ZCCHC14: variants seen among roughly 807,000 people sequenced by gnomAD.
ZCCHC14 encodes zinc finger CCHC-type containing 14.
A neutral mutation model predicts 85.0 loss-of-function variants in ZCCHC14; 16 were observed. That is an observed-to-expected ratio of 0.19 (90% CI 0.13 to 0.29). The LOEUF (loss-of-function observed/expected upper bound fraction) is 0.29. ZCCHC14 is among the 10% of genes least tolerant of loss of function. ZCCHC14 has a pLI of 1.00. For synonymous variants in ZCCHC14, 775 were observed against 630.7 expected, an observed-to-expected ratio of 1.23 and a Z score of -3.43; for missense variants, 1,303 against 1,443.5, an observed-to-expected ratio of 0.90 and a Z score of 1.58.
chr16:87,413,819 TG>T (rs956162840), intron 10 of ZCCHC14, among the ~76,000 whole-genome samples: 1 of 133,386 alleles, frequency 7.5e-6, no homozygotes, highest in Non-Finnish European at 1.6e-5. Context: ...AGTCCTGGGG[TG>T]GGGGGTGGGC....
At chr16:87,415,434 G>C in intron 8 of ZCCHC14, 67 bp from the exon 9 acceptor site, 1 of 1,383,480 alleles carries the variant, frequency 7.2e-7, no homozygotes, top group Non-Finnish European at 1.0e-6. Flanking sequence ...CAAAGAACTT[G>C]GAGTTGAATT....
In ZCCHC14 at chr16:87,411,804, C is replaced by T. The variant is rs757374806; in HGVS notation, c.2917G>A (p.Val973Ile). The T allele has an allele frequency of 1.4e-5, 22 of 1,611,674 alleles. No individual in the cohort carries two copies. The highest frequency in any genetic ancestry group is 3.4e-4 in the Middle Eastern group (2 of 5,932). The change falls in exon 12 of 13, where the codon GTC (valine) becomes ATC (isoleucine). Residue 973 changes from valine to isoleucine, a missense_variant. By Grantham distance (29) the Val-to-Ile change is conservative (BLOSUM62 3). This residue lies in a region of ZCCHC14 where 797 missense variants were observed against 730.8 expected (regional missense o/e 1.09). Coordinates refer to ENST00000671377, the MANE Select transcript of ZCCHC14 (RefSeq NM_015144.3). ...CCGCCGCCGTACTGCTGGGCGCTGA[C>T]GTAGCCGCTGCTGCACATGGGACTG... ...PFSPMCSSGY[V>I]SAQQYGGGST...
chr16:87,483,304 C>CAAA (rs56708958), intron 1 of ZCCHC14, among the ~76,000 whole-genome samples: 8 of 43,660 alleles, frequency 1.8e-4, no homozygotes, highest in African/African-American at 6.8e-4. Flanking sequence ...CTAAAAATAC[C>CAAA]AAAAAAAAAA....
rs1177504607 is a variant in ZCCHC14 at position 87,492,471 on chromosome 16, G to C, written c.-233C>G. On this transcript the variant is annotated 5_prime_UTR_variant, in exon 1 of 13. Transcript: ENST00000671377. This position sits in a 1 kb window ranked among gnomAD's most constrained non-coding sequence, Gnocchi z 6.7. ...GCGGGCGGGCGCGCGCGGGGCGCCG[G>C]GGGGGCCCGGGGCGGCCGGGGCGGC... 6.9e-6 allele frequency: 1 copy of C among 145,070 alleles called. No individual in the cohort carries two copies. Among genetic ancestry groups the C allele is most frequent in the Non-Finnish European group, 1.5e-5 (1 of 65,400 alleles). The allele number at this position is 145,070 out of a possible 1,614,324, so 9.0% of individuals were successfully genotyped here. A position where few individuals can be genotyped will look rare whatever the true frequency, so the allele number is the denominator to read the frequency against.
At chr16:87,487,470 C>G (rs555034644) in intron 1 of ZCCHC14, among the ~76,000 whole-genome samples, 116 of 152,314 alleles carry the variant, frequency 7.6e-4, no homozygotes, top group African/African-American at 2.5e-3. Flanking sequence ...AGCCCGGAGG[C>G]TCTGTACTGA....
chr16:87,486,574 C>T (rs1044135254), intron 1 of ZCCHC14, among the ~76,000 whole-genome samples: 1 of 152,212 alleles, frequency 6.6e-6, no homozygotes, highest in Non-Finnish European at 1.5e-5. Flanking sequence ...TTAAGCAGCA[C>T]ATGACTGTAT....
chr16:87,463,616 C>G (rs900941383), intron 1 of ZCCHC14, among the ~76,000 whole-genome samples: 2 of 152,006 alleles, frequency 1.3e-5, no homozygotes, highest in Non-Finnish European at 2.9e-5. Context: ...GTCAGGAGTT[C>G]GAGACCAGCC....
chr16:87,454,483 A>T (rs1424998289), intron 2 of ZCCHC14, among the ~76,000 whole-genome samples: 2 of 152,254 alleles, frequency 1.3e-5, no homozygotes, highest in African/African-American at 4.8e-5. Flanking sequence ...GCAAAATGAC[A>T]TTGTTAAAGT....
intron 2 of ZCCHC14, among the ~76,000 whole-genome samples, chr16:87,437,021 T>A (rs1396139597): frequency 6.6e-6 from 1 of 152,036 alleles, no homozygotes; most frequent in Non-Finnish European, 1.5e-5. Context: ...CCCACTGCCT[T>A]CTGTGGAGCG....
At chr16:87,481,539 GGGT>G (rs1467195403) in intron 1 of ZCCHC14, among the ~76,000 whole-genome samples, 37 of 33,948 alleles carry the variant, frequency 1.1e-3, no homozygotes, top group African/African-American at 1.7e-3. Context: ...GGGGGGGGGG[GGGT>G]GGGGGGGGGG....
intron 2 of ZCCHC14, among the ~76,000 whole-genome samples, chr16:87,447,525 T>C (rs939228007): frequency 1.5e-4 from 23 of 152,300 alleles, no homozygotes; most frequent in African/African-American, 5.1e-4. Context: ...GATTCCGATG[T>C]GGTTACATGT....
intron 1 of ZCCHC14, among the ~76,000 whole-genome samples, chr16:87,476,349 TA>T (rs2150772168): frequency 6.6e-6 from 1 of 152,218 alleles, no homozygotes; most frequent in East Asian, 1.9e-4. Context: ...TGAGTATATA[TA>T]AAAGACAATA....
At chr16:87,441,881 C>G (rs1290129117) in intron 2 of ZCCHC14, among the ~76,000 whole-genome samples, 1 of 152,166 alleles carries the variant, frequency 6.6e-6, no homozygotes, top group Non-Finnish European at 1.5e-5. Context: ...AACGAAAGCC[C>G]CTGGAAGGGA....
chr16:87,469,194 T>C (rs1441037723), intron 1 of ZCCHC14, among the ~76,000 whole-genome samples: 1 of 152,164 alleles, frequency 6.6e-6, no homozygotes, highest in Non-Finnish European at 1.5e-5. Flanking sequence ...ACCACAGGCA[T>C]GAGACAATGC....
rs978547749 is a variant in ZCCHC14, at chr16:87,425,533, G to A, written c.769-1652C>T. ...GGAGGCTGCAGTGAGCCGAGATCGCGCCATTGCACTCCAGCCTGGGCAACA... is the reference window on the plus strand; with the variant it reads ...GGAGGCTGCAGTGAGCCGAGATCGCACCATTGCACTCCAGCCTGGGCAACA... On this transcript the variant is annotated intron_variant, in intron 3 of 12. Transcript: ENST00000671377. Among the ~76,000 whole-genome samples the A allele has an allele frequency of 4.6e-5, 7 of 151,608 alleles. No individual in the cohort carries two copies. In the East Asian group the frequency reaches 7.8e-4, roughly 17 times the overall value.
intron 2 of ZCCHC14, among the ~76,000 whole-genome samples, chr16:87,434,807 T>C (rs1055996255): frequency 2.0e-5 from 3 of 152,008 alleles, no homozygotes; most frequent in African/African-American, 7.2e-5. Context: ...CTGGCCAACA[T>C]GGTGAATCCC....
At chr16:87,458,975 G>A (rs1911117587) in intron 2 of ZCCHC14, among the ~76,000 whole-genome samples, 1 of 152,066 alleles carries the variant, frequency 6.6e-6, no homozygotes, top group Admixed American at 6.6e-5. Context: ...GCATTATCTG[G>A]TCCATCTAGT....
intron 1 of ZCCHC14, among the ~76,000 whole-genome samples, chr16:87,469,091 T>C (rs967749461): frequency 1.3e-5 from 2 of 152,202 alleles, no homozygotes; most frequent in Non-Finnish European, 2.9e-5. Flanking sequence ...CATTTTTGTC[T>C]GTTTTTTTGG....
At chr16:87,414,273 C>T (rs1190487084) in intron 10 of ZCCHC14, 141 bp downstream of exon 10, 4 of 1,382,866 alleles carry the variant, frequency 2.9e-6, no homozygotes, top group Non-Finnish European at 4.0e-6. Flanking sequence ...CCCACCTGCC[C>T]GGCACACGGG....
Sources: allele counts gnomAD v4.1 joint callset (sites outside exome capture counted in the v4.1 genomes callset), GRCh38; gene constraint gnomAD v4.1.1; regional missense constraint gnomAD v4.1.1; non-coding constraint Gnocchi (gnomAD v3.1); transcripts MANE v1.5; gene names NCBI Gene and HGNC (gene_info 2026-07-23, HGNC 2026-07-21).